The following GLI3 variants were observed in gnomAD, a reference collection of about 807,000 sequenced individuals.
GLI3 encodes the protein transcription activator GLI3.
GLI3 carries 20 observed loss-of-function variants against 100.8 expected under a neutral mutation model. The ratio of observed to expected loss-of-function variants is 0.20; its 90% CI spans 0.14 to 0.29. The LOEUF is 0.29. GLI3 is among the 10% of genes least tolerant of loss of function. The pLI, the probability that GLI3 is intolerant of heterozygous loss-of-function variation, is 1.00. For synonymous variants in GLI3, 938 were observed against 860.5 expected (o/e 1.09, Z -1.58); for missense variants, 2,040 against 2,128.5 (o/e 0.96, Z 0.82).
At chr7:42,079,182 G>A (rs1254072551) in intron 3 of GLI3, among the ~76,000 whole-genome samples, 1 of 152,142 alleles carries the variant, frequency 6.6e-6, no homozygotes, top group Non-Finnish European at 1.5e-5. Context: ...AGTTTAAGTT[G>A]AATGTTTATT....
intron 2 of GLI3, among the ~76,000 whole-genome samples, chr7:42,178,995 T>C (rs1420596491): frequency 6.6e-6 from 1 of 152,120 alleles, no homozygotes; most frequent in African/African-American, 2.4e-5. Context: ...GAAAAGGCAG[T>C]GGGCAGTATG....
chr7:41,965,719 G>T lies in GLI3; in HGVS notation c.3354C>A (p.Asp1118Glu), dbSNP rs769447723. ...CGGGCCCGTGGGGCACTTTGCTGTC[G>T]TCCGGGAGGGCGCTGGGGAAGTGCT... Reference protein sequence around the residue: ...YEQHFPSALPDDSKVPHGPGD... With the variant: ...YEQHFPSALPEDSKVPHGPGD... The change falls in exon 15 of 15, where the codon GAC becomes GAA. Residue 1118 changes from aspartate (D) to glutamate (E), a missense_variant. By Grantham distance (45) the Asp-to-Glu change is conservative (BLOSUM62 2). This residue lies in a region of GLI3 where 1,041 missense variants were observed against 924.0 expected (regional missense o/e 1.13). Coordinates refer to ENST00000395925, the MANE Select transcript of GLI3 (RefSeq NM_000168.6). 2 of 1,613,596 alleles carry T rather than the reference G, an allele frequency of 1.2e-6. No individual in the cohort carries two copies. Among genetic ancestry groups the T allele is most frequent in the African/African-American group, 2.7e-5 (2 of 74,882 alleles).
intron 10 of GLI3, among the ~76,000 whole-genome samples, chr7:42,020,527 G>C (rs1216399685): frequency 6.6e-6 from 1 of 152,150 alleles, no homozygotes; most frequent in African/African-American, 2.4e-5. Context: ...GGGGGAAAAA[G>C]AATGGGTCAC....
chr7:42,135,936 A>T (rs1426424474), intron 3 of GLI3, among the ~76,000 whole-genome samples: 1 of 152,162 alleles, frequency 6.6e-6, no homozygotes, highest in Non-Finnish European at 1.5e-5. Context: ...ATATTTATAA[A>T]CAAAGGGGAT....
intron 1 of GLI3, among the ~76,000 whole-genome samples, chr7:42,248,922 A>G (rs1308092279): frequency 1.3e-5 from 2 of 151,588 alleles, no homozygotes; most frequent in African/African-American, 4.9e-5. Flanking sequence ...TTGTATTTTT[A>G]GTAGAGATGG....
In GLI3 at chr7:41,980,903, T is replaced by C. The variant is rs1367504668; in HGVS notation, c.1498-2155A>G. Among the ~76,000 whole-genome samples, 3 of 152,194 alleles carry C rather than the reference T, an allele frequency of 2.0e-5. No homozygotes were observed. In the East Asian group the frequency reaches 5.8e-4, roughly 29 times the overall value. ...TACCAGAGGGAAACAGGTCATGGCT[T>C]AAATTACTATACAATTACAGTTGTG... On this transcript the variant is annotated intron_variant, in intron 10 of 14. Coordinates refer to ENST00000395925, the MANE Select transcript of GLI3 (RefSeq NM_000168.6).
intron 3 of GLI3, among the ~76,000 whole-genome samples, chr7:42,091,131 AG>A (rs1326825408): frequency 1.3e-5 from 2 of 152,218 alleles, no homozygotes; most frequent in Non-Finnish European, 2.9e-5. Context: ...TTTTTCAACA[AG>A]GGCTCCCCAT....
chr7:41,963,107 G>A lies in GLI3; in HGVS notation c.*1223C>T, dbSNP rs1787051227. 6.6e-6 allele frequency: 1 copy of A among 152,128 alleles called. No homozygotes were observed. The highest frequency in any genetic ancestry group is 6.5e-5 in the Admixed American group (1 of 15,278). 9.4% of individuals were successfully genotyped at this position (152,128 alleles called of 1,614,324 possible). On this transcript the variant is annotated 3_prime_UTR_variant, in exon 15 of 15. Coordinates refer to ENST00000395925, the MANE Select transcript of GLI3 (RefSeq NM_000168.6). ...ATTCAATAGACAGGGTGTGAAAAAAGGCATCCACACAGCTACTAAACATCT... is the reference window on the plus strand; with the variant it reads ...ATTCAATAGACAGGGTGTGAAAAAAAGCATCCACACAGCTACTAAACATCT...
At chr7:42,009,381 A>T (rs1788545238) in intron 10 of GLI3, among the ~76,000 whole-genome samples, 1 of 151,812 alleles carries the variant, frequency 6.6e-6, no homozygotes, top group Admixed American at 6.6e-5. Flanking sequence ...TCTAGAATTG[A>T]CTTGACCCTA....
intron 1 of GLI3, among the ~76,000 whole-genome samples, chr7:42,259,847 A>T (rs1789121559): frequency 6.6e-6 from 1 of 152,178 alleles, no homozygotes; most frequent in South Asian, 2.1e-4. Flanking sequence ...GATCCAGCTA[A>T]CAAAATTTAA....
chr7:42,255,360 T>A (rs1429752452), intron 1 of GLI3, among the ~76,000 whole-genome samples: 3 of 152,200 alleles, frequency 2.0e-5, no homozygotes, highest in Non-Finnish European at 4.4e-5. Flanking sequence ...ATTTATCCAT[T>A]GTAGGTATAC....
At chr7:42,118,280 C>T (rs1785910182) in intron 3 of GLI3, 1 of 398,578 alleles carries the variant, frequency 2.5e-6, no homozygotes, top group African/African-American at 2.1e-5. Context: ...AGAGTCCTAA[C>T]TATGGACTAA....
At chr7:42,183,660 CAAGT>C (rs1349191422) in intron 2 of GLI3, among the ~76,000 whole-genome samples, 1 of 152,188 alleles carries the variant, frequency 6.6e-6, no homozygotes, top group African/African-American at 2.4e-5. Context: ...AAATAAAGAA[CAAGT>C]AAGATGTCCT....
chr7:42,151,682 C>A (rs1045851550), intron 2 of GLI3: 4 of 152,198 alleles, frequency 2.6e-5, no homozygotes, highest in African/African-American at 9.7e-5. Context: ...ACATGCAATT[C>A]ACTAAAATCT....
intron 3 of GLI3, among the ~76,000 whole-genome samples, chr7:42,095,621 G>T (rs1239900749): frequency 6.6e-6 from 1 of 152,152 alleles, no homozygotes; most frequent in South Asian, 2.1e-4. Flanking sequence ...TGACTCTAAG[G>T]TTCTGGCCCA....
chr7:42,101,830 T>TCCC (rs1785469628), intron 3 of GLI3, among the ~76,000 whole-genome samples: 4 of 100,758 alleles, frequency 4.0e-5, no homozygotes, highest in African/African-American at 1.8e-4. Flanking sequence ...ATGCTATCCC[T>TCCC]CCACCCTCTC....
At chr7:42,066,305 G>T (rs553366886) in intron 4 of GLI3, among the ~76,000 whole-genome samples, 1 of 152,146 alleles carries the variant, frequency 6.6e-6, no homozygotes, top group Admixed American at 6.5e-5. Flanking sequence ...AATACACTCG[G>T]GGGAAGGGGG....
chr7:41,972,714 A>G lies in GLI3; in HGVS notation c.1813-87T>C. On this transcript the variant is annotated intron_variant, in intron 12 of 14. Coordinates refer to ENST00000395925, the MANE Select transcript of GLI3 (RefSeq NM_000168.6). This position sits in a 1 kb window ranked among gnomAD's most constrained non-coding sequence, Gnocchi z 4.4. The stretch of plus-strand genomic sequence containing the variant: ...AAAGTCCTTTATGGTTGCTCATTAC[A>G]TTTTTAATCCTTTCAAAACACTTTC... 9.1e-7 allele frequency: 1 copy of G among 1,094,976 alleles called. No individual in the cohort carries two copies. Among genetic ancestry groups the G allele is most frequent in the Non-Finnish European group, 1.4e-6 (1 of 735,378 alleles). 67.8% of individuals were successfully genotyped at this position (1,094,976 alleles called of 1,614,324 possible).
At chr7:42,195,249 T>C (rs1787907197) in intron 2 of GLI3, among the ~76,000 whole-genome samples, 1 of 152,206 alleles carries the variant, frequency 6.6e-6, no homozygotes, top group East Asian at 1.9e-4. Context: ...CTCCCATCCT[T>C]GAACACTGTC....
Sources: allele counts gnomAD v4.1 joint callset (sites outside exome capture counted in the v4.1 genomes callset), GRCh38; gene constraint gnomAD v4.1.1; regional missense constraint gnomAD v4.1.1; non-coding constraint Gnocchi (gnomAD v3.1); transcripts MANE v1.5; gene names NCBI Gene and HGNC (gene_info 2026-07-23, HGNC 2026-07-21).